Variants in WWOX observed in about 807,000 individuals in gnomAD.
The protein encoded by WWOX is WW domain-containing oxidoreductase.
A neutral mutation model predicts 46.2 loss-of-function variants in WWOX; 69 were observed. That is an observed-to-expected ratio of 1.49 (90% confidence interval 1.23 to 1.82). The LOEUF is 1.82. WWOX is among the 40% of genes most tolerant of loss of function. The pLI is 0.00. For missense variants in WWOX, 919 were observed against 542.6 expected (o/e 1.69, Z -6.89); for synonymous variants, 359 against 202.6 (o/e 1.77, Z -6.56).
chr16:78,825,416 C>T (rs560560711), intron 8 of WWOX: 3 of 328,122 alleles, frequency 9.1e-6, no homozygotes, highest in East Asian at 7.4e-5. Context: ...CCCATCACGA[C>T]AGTAACAAAT....
At chr16:79,091,565 C>G (rs1325440716) in intron 8 of WWOX, among the ~76,000 whole-genome samples, 1 of 152,014 alleles carries the variant, frequency 6.6e-6, no homozygotes, top group Admixed American at 6.6e-5. Context: ...GTTTACTAAG[C>G]AAAGAACACC....
chr16:79,018,110 A>C (rs1474272085), intron 8 of WWOX, among the ~76,000 whole-genome samples: 2 of 152,206 alleles, frequency 1.3e-5, no homozygotes, highest in African/African-American at 4.8e-5. Context: ...TTCCATTTCT[A>C]ATCGGAGGCA....
chr16:79,156,431 G>A (rs2050383173), intron 8 of WWOX, among the ~76,000 whole-genome samples: 1 of 152,202 alleles, frequency 6.6e-6, no homozygotes, highest in African/African-American at 2.4e-5. Flanking sequence ...AAAGTGCTGG[G>A]ATAACAGGCG....
At chr16:78,221,100 A>T (rs1377861151) in intron 5 of WWOX, among the ~76,000 whole-genome samples, 1 of 152,204 alleles carries the variant, frequency 6.6e-6, no homozygotes, top group Non-Finnish European at 1.5e-5. Flanking sequence ...AGCTCGGTTC[A>T]TCTGGATTTT....
chr16:78,676,336 C>T (rs554476812), intron 8 of WWOX, among the ~76,000 whole-genome samples: 180 of 152,046 alleles, frequency 1.2e-3, no homozygotes, highest in South Asian at 3.1e-3. Flanking sequence ...TCCTGCATTG[C>T]CCTCCATTCA....
At chr16:78,384,805 G>A (rs936962761) in intron 5 of WWOX, among the ~76,000 whole-genome samples, 2 of 152,086 alleles carry the variant, frequency 1.3e-5, no homozygotes, top group Non-Finnish European at 1.5e-5. Flanking sequence ...TGGGGTTTGG[G>A]GACATAATTT....
chr16:78,620,212 A>C (rs1045685056), intron 8 of WWOX, among the ~76,000 whole-genome samples: 5 of 152,222 alleles, frequency 3.3e-5, no homozygotes, highest in Admixed American at 6.5e-5. Context: ...GAACTGGCTT[A>C]ACCAAGAAGC....
intron 8 of WWOX, among the ~76,000 whole-genome samples, chr16:78,655,619 T>C (rs961838949): frequency 6.6e-6 from 1 of 152,112 alleles, no homozygotes; most frequent in African/African-American, 2.4e-5. Flanking sequence ...ATGGAACGGC[T>C]AAGTAGTGAT....
rs1206415545 is a variant in WWOX, at chr16:78,478,591, G to A, written c.1056+45839G>A. 2.6e-5 allele frequency among the ~76,000 whole-genome samples: 4 copies of A among 152,124 alleles called. 1 individual carries two copies. Among genetic ancestry groups the A allele is most frequent in the South Asian group, 4.1e-4 (2 of 4,826 alleles). On this transcript the variant is annotated intron_variant, in intron 8 of 8. Coordinates refer to ENST00000566780, the MANE Select transcript of WWOX (RefSeq NM_016373.4). ...CTTGCTGTTGCACCCCCCACCCCAA[G>A]GAAAGCCTTCCCACCTTTGGAAGCT...
Position 78,347,303 on chromosome 16 carries a change from A to G in WWOX, c.517-39557A>G, listed in dbSNP as rs2081110287. ...GCCAATGCTCCTTCCCCTGTAGATCATACCCATTCCCAAGATTTCAGTCAT... is the reference window on the plus strand; with the variant it reads ...GCCAATGCTCCTTCCCCTGTAGATCGTACCCATTCCCAAGATTTCAGTCAT... On this transcript the variant is annotated intron_variant, in intron 5 of 8. Coordinates refer to ENST00000566780, the MANE Select transcript of WWOX (RefSeq NM_016373.4). Among the ~76,000 whole-genome samples, 2 of 114,906 alleles carry G rather than the reference A, an allele frequency of 1.7e-5. 1 individual carries two copies. The highest frequency in any genetic ancestry group is 4.1e-5 in the Non-Finnish European group (2 of 48,792). 75.4% of individuals were successfully genotyped at this position (114,906 alleles called of 152,430 possible). A position where few individuals can be genotyped will look rare whatever the true frequency, so the allele number is the denominator to read the frequency against.
chr16:79,188,875 T>A (rs2051072240), intron 8 of WWOX, among the ~76,000 whole-genome samples: 1 of 152,208 alleles, frequency 6.6e-6, no homozygotes, highest in South Asian at 2.1e-4. Context: ...AAGGCATTAG[T>A]ATTCACACTT....
At chr16:78,665,209 C>T (rs371837743) in intron 8 of WWOX, among the ~76,000 whole-genome samples, 4 of 152,042 alleles carry the variant, frequency 2.6e-5, no homozygotes, top group East Asian at 1.9e-4. Flanking sequence ...CAAGTTGGCA[C>T]GCGGGCTTCT....
intron 8 of WWOX, among the ~76,000 whole-genome samples, chr16:78,453,250 C>G (rs546272244): frequency 2.2e-4 from 34 of 151,720 alleles, no homozygotes; most frequent in South Asian, 6.2e-4. Flanking sequence ...ATGGTGAGAC[C>G]CTGTCTGTAC....
At chr16:78,643,726 T>C in intron 8 of WWOX, among the ~76,000 whole-genome samples, 1 of 152,046 alleles carries the variant, frequency 6.6e-6, no homozygotes, top group Admixed American at 6.6e-5. Context: ...AGGAACTGAT[T>C]TAAAAGGAAG....
chr16:78,990,585 A>G (rs1282023094), intron 8 of WWOX, among the ~76,000 whole-genome samples: 1 of 152,222 alleles, frequency 6.6e-6, no homozygotes, highest in Non-Finnish European at 1.5e-5. Flanking sequence ...GGGTAATTCC[A>G]TCACCACCCA....
chr16:78,342,248 C>T (rs79261936), intron 5 of WWOX, among the ~76,000 whole-genome samples: 1 of 121,350 alleles, frequency 8.2e-6, no homozygotes, highest in African/African-American at 2.8e-5. Flanking sequence ...CTACGACAAA[C>T]AACTTGCAAC....
intron 5 of WWOX, among the ~76,000 whole-genome samples, chr16:78,199,082 G>A (rs76430317): frequency 0.055 from 8,396 of 152,232 alleles, 279 homozygotes; most frequent in Non-Finnish European, 0.082. Context: ...GGGAGGCTGA[G>A]GTGGATGGAT....
intron 8 of WWOX, among the ~76,000 whole-genome samples, chr16:78,945,836 G>C (rs75626037): frequency 6.6e-6 from 1 of 152,074 alleles, no homozygotes; most frequent in Non-Finnish European, 1.5e-5. Context: ...TGAGCATGGA[G>C]GGAACTTCAT....
intron 8 of WWOX, among the ~76,000 whole-genome samples, chr16:78,451,084 C>T (rs932985420): frequency 1.3e-5 from 2 of 152,088 alleles, no homozygotes. Context: ...TTGCATCTTC[C>T]GATGTCACAT....
Sources: gnomAD v4.1 joint callset for allele counts (sites outside exome capture counted in the v4.1 genomes callset) on GRCh38, gnomAD v4.1.1 for gene constraint, MANE v1.5 for transcripts, NCBI Gene and HGNC (gene_info 2026-07-23, HGNC 2026-07-21) for gene names.